The following RORA variants were observed in gnomAD, a reference collection of about 807,000 sequenced individuals.
RORA encodes the protein nuclear receptor ROR-alpha.
Under a neutral mutation model 69.5 loss-of-function variants are expected in RORA, and 7 were observed. That is an observed-to-expected ratio of 0.10 (90% CI 0.06 to 0.19). The LOEUF (loss-of-function observed/expected upper bound fraction) is 0.19, where lower values mean the gene tolerates loss of function less well. RORA is among the 10% of genes least tolerant of loss of function. The pLI, the probability that RORA is intolerant of heterozygous loss-of-function variation, is 1.00. For synonymous variants in RORA, 261 were observed against 240.8 expected (o/e 1.08, Z -0.78); for missense variants, 457 against 663.0 (o/e 0.69, Z 3.41).
chr15:61,043,748 A>G (rs909303280), intron 1 of RORA, among the ~76,000 whole-genome samples: 6 of 152,166 alleles, frequency 3.9e-5, no homozygotes, highest in African/African-American at 1.4e-4. Context: ...GGGACTATAG[A>G]AGAAGGCAGG....
chr15:60,668,301 T>C lies in RORA; in HGVS notation c.196+10356A>G, dbSNP rs111628653. 2.7e-4 allele frequency among the ~76,000 whole-genome samples: 41 copies of C among 152,218 alleles called. 2 individuals are homozygous for C. Among genetic ancestry groups the C allele is most frequent in the African/African-American group, 9.4e-4 (39 of 41,536 alleles). The stretch of plus-strand genomic sequence containing the variant: ...CAGTTAGATTTTGTCTCCTTAAAAA[T>C]CAAGAGCAAGAGTGGTAAGAGAGAA... On this transcript the variant is annotated intron_variant, in intron 2 of 10. Transcript: ENST00000335670.
At chr15:60,553,539 C>G (rs1192374071) in intron 2 of RORA, among the ~76,000 whole-genome samples, 2 of 152,158 alleles carry the variant, frequency 1.3e-5, no homozygotes, top group African/African-American at 4.8e-5. Flanking sequence ...CTGCAACTAA[C>G]TGGTGAGAAG....
intron 1 of RORA, among the ~76,000 whole-genome samples, chr15:61,199,671 C>A (rs1415317608): frequency 1.3e-5 from 2 of 152,142 alleles, no homozygotes; most frequent in Non-Finnish European, 2.9e-5. Flanking sequence ...ATATTGCAAG[C>A]AAACTACTGG....
At chr15:60,965,366 C>T (rs144372252) in intron 1 of RORA, among the ~76,000 whole-genome samples, 43 of 152,304 alleles carry the variant, frequency 2.8e-4, no homozygotes, top group African/African-American at 1.0e-3. Flanking sequence ...TCTCTCACCA[C>T]CTAGTTAGTG....
At chr15:61,015,982 G>C (rs1221233052) in intron 1 of RORA, among the ~76,000 whole-genome samples, 2 of 152,204 alleles carry the variant, frequency 1.3e-5, no homozygotes, top group Admixed American at 6.5e-5. Flanking sequence ...AAGACGACCG[G>C]AGGGCTTGAG....
intron 1 of RORA, among the ~76,000 whole-genome samples, chr15:60,962,193 C>G (rs1333810721): frequency 6.6e-6 from 1 of 152,190 alleles, no homozygotes; most frequent in Non-Finnish European, 1.5e-5. Context: ...CCCAGCACCT[C>G]CACCCAATAG....
chr15:60,852,108 G>C (rs748540116), intron 1 of RORA, among the ~76,000 whole-genome samples: 1 of 152,170 alleles, frequency 6.6e-6, no homozygotes, highest in African/African-American at 2.4e-5. Flanking sequence ...GCACACCAGC[G>C]CTTGAACCTC....
intron 1 of RORA, among the ~76,000 whole-genome samples, chr15:61,076,368 T>A (rs528484685): frequency 6.6e-6 from 1 of 151,834 alleles, no homozygotes; most frequent in African/African-American, 2.4e-5. Flanking sequence ...GAGATACTTA[T>A]TGAGCAAACA....
intron 3 of RORA, among the ~76,000 whole-genome samples, chr15:60,518,832 G>C (rs2066056809): frequency 6.9e-6 from 1 of 144,934 alleles, no homozygotes; most frequent in Non-Finnish European, 1.5e-5. Context: ...TCCCCTGTAT[G>C]GTGTGGCATG....
At chr15:60,627,256 G>T (rs1330176339) in intron 2 of RORA, 1 of 1,613,982 alleles carries the variant, frequency 6.2e-7, no homozygotes, top group African/African-American at 1.3e-5. Context: ...TCCTTCACCT[G>T]CAGGTGTGGG....
At chr15:61,088,618 C>T (rs531532546) in intron 1 of RORA, among the ~76,000 whole-genome samples, 4 of 152,222 alleles carry the variant, frequency 2.6e-5, no homozygotes, top group South Asian at 4.2e-4. Context: ...CCATAAACCT[C>T]ATGTCCTCAT....
At chr15:60,843,799 C>T (rs1451491548) in intron 1 of RORA, among the ~76,000 whole-genome samples, 1 of 152,180 alleles carries the variant, frequency 6.6e-6, no homozygotes, top group Admixed American at 6.5e-5. Context: ...CCGTGAATGT[C>T]TCTTTTTGCT....
At position 60,502,818 on chromosome 15, in the gene RORA, C is replaced by T; in HGVS notation, c.1125G>A (p.Gln375=). Residue 375 remains glutamine (Q), a synonymous_variant, in exon 8 of 11, where the codon CAG becomes CAA. Coordinates refer to ENST00000335670, the MANE Select transcript of RORA (RefSeq NM_134261.3). ...FIRMCRAFDS[Q]NNTVYFDGKY... is the part of the protein sequence containing the mutation. The stretch of plus-strand genomic sequence containing the variant: ...TCCCATCAAAGTACACGGTGTTGTT[C>T]TGAGAGTCAAAGGCACGGCACATTC... 2 of 1,614,062 alleles carry T rather than the reference C, an allele frequency of 1.2e-6. No homozygotes were observed. Among genetic ancestry groups the T allele is most frequent in the South Asian group, 1.1e-5 (1 of 91,076 alleles).
At chr15:60,646,728 C>T (rs1356349919) in intron 2 of RORA, among the ~76,000 whole-genome samples, 2 of 152,136 alleles carry the variant, frequency 1.3e-5, no homozygotes, top group Admixed American at 6.5e-5. Flanking sequence ...CTCCCTGCAC[C>T]AAGACCCAGG....
intron 1 of RORA, among the ~76,000 whole-genome samples, chr15:61,037,225 G>A (rs925419179): frequency 7.2e-5 from 11 of 152,166 alleles, no homozygotes; most frequent in African/African-American, 1.9e-4. Context: ...CAGACATGTC[G>A]TAAGTGCATG....
chr15:61,040,148 A>ATGATT (rs1896683872), intron 1 of RORA, among the ~76,000 whole-genome samples: 3 of 111,706 alleles, frequency 2.7e-5, no homozygotes, highest in Non-Finnish European at 5.8e-5. Context: ...ATATATATAT[A>ATGATT]TATATATATA....
chr15:60,714,458 G>T (rs1039731235), intron 1 of RORA, among the ~76,000 whole-genome samples: 1 of 151,708 alleles, frequency 6.6e-6, no homozygotes, highest in Non-Finnish European at 1.5e-5. Flanking sequence ...TCAACCTCCT[G>T]GGCTCAAGCG....
At chr15:61,155,885 C>T (rs2079437567) in intron 1 of RORA, among the ~76,000 whole-genome samples, 1 of 152,126 alleles carries the variant, frequency 6.6e-6, no homozygotes, top group Admixed American at 6.5e-5. Context: ...GGAGACCCCG[C>T]GTTTCAACCC....
intron 1 of RORA, among the ~76,000 whole-genome samples, chr15:60,997,291 G>C (rs928225172): frequency 7.2e-5 from 11 of 152,116 alleles, no homozygotes; most frequent in African/African-American, 2.7e-4. Context: ...CGGATTTATA[G>C]GGTCTATTCT....
Sources: allele counts gnomAD v4.1 joint callset (sites outside exome capture counted in the v4.1 genomes callset), GRCh38; gene constraint gnomAD v4.1.1; transcripts MANE v1.5; gene names NCBI Gene and HGNC (gene_info 2026-07-23, HGNC 2026-07-21).